The following DLG2 variants were observed in gnomAD, a reference collection of about 807,000 sequenced individuals.
DLG2 encodes disks large homolog 2.
DLG2 carries 45 observed loss-of-function variants against 132.5 expected under a neutral mutation model. That is an observed-to-expected ratio of 0.34 (90% CI 0.27 to 0.44). The LOEUF (loss-of-function observed/expected upper bound fraction) is 0.44. Ranked by LOEUF, DLG2 falls within the 20% of genes least tolerant of loss-of-function variation. The pLI, the probability that DLG2 is intolerant of heterozygous loss-of-function variation, is 1.00. For missense variants in DLG2, 1,045 were observed against 1,196.9 expected (o/e 0.87, Z 1.87); for synonymous variants, 424 against 419.6 (o/e 1.01, Z -0.13).
chr11:83,630,294 C>T (rs1019880112), intron 19 of DLG2, among the ~76,000 whole-genome samples: 1 of 152,092 alleles, frequency 6.6e-6, no homozygotes, highest in African/African-American at 2.4e-5. Flanking sequence ...TTCTCTCTGA[C>T]ACCACCAGGA....
rs145190392 is a variant in DLG2, at chr11:84,423,810, G to A, written c.519+110760C>T. Among the ~76,000 whole-genome samples the A allele has an allele frequency of 9.7e-3, 1,483 of 152,162 alleles. 21 individuals are homozygous for A. The highest frequency in any genetic ancestry group is 0.031 in the Middle Eastern group (9 of 292). ...CATAAATTATAAATAGGTGTGACAT[G>A]AAAACATACATAGGCAATACACATT... is the stretch of plus-strand genomic sequence containing the variant. On this transcript the variant is annotated intron_variant, in intron 7 of 27. Coordinates refer to ENST00000376104, the MANE Select transcript of DLG2 (RefSeq NM_001142699.3).
chr11:84,947,643 A>G (rs1182047538), intron 6 of DLG2, among the ~76,000 whole-genome samples: 1 of 152,130 alleles, frequency 6.6e-6, no homozygotes, highest in Non-Finnish European at 1.5e-5. Flanking sequence ...CTCCTTTGCT[A>G]TATAGAAATT....
At position 84,565,899 on chromosome 11, in the gene DLG2, C is replaced by T. The variant is rs531361222; in HGVS notation, c.358-31168G>A. On this transcript the variant is annotated intron_variant, in intron 6 of 27. Coordinates refer to ENST00000376104, the MANE Select transcript of DLG2 (RefSeq NM_001142699.3). ...TGACATATGCAATAAATATATCATT[C>T]GATAAAGTATTATTGACACCAACAT... Among the ~76,000 whole-genome samples, 22 of 151,140 alleles carry T rather than the reference C, an allele frequency of 1.5e-4. 1 individual carries two copies. The highest frequency in any genetic ancestry group is 3.6e-4 in the African/African-American group (15 of 41,106).
At chr11:83,549,551 A>G (rs7928920) in intron 19 of DLG2, among the ~76,000 whole-genome samples, 99,586 of 152,078 alleles carry the variant, frequency 0.65, 33,083 homozygotes, top group Middle Eastern at 0.75. Flanking sequence ...ACTGGAAGGG[A>G]GATGAAATAA....
chr11:83,590,218 A>G (rs1396359963), intron 19 of DLG2, among the ~76,000 whole-genome samples: 1 of 150,894 alleles, frequency 6.6e-6, no homozygotes, highest in Non-Finnish European at 1.5e-5. Context: ...CACCTATTCC[A>G]AAATTGACCA....
At chr11:84,129,797 C>T (rs564772582) in intron 9 of DLG2, among the ~76,000 whole-genome samples, 208 of 152,068 alleles carry the variant, frequency 1.4e-3, no homozygotes, top group African/African-American at 4.7e-3. Context: ...ACTTTCCCTG[C>T]ACTCCTCCTT....
chr11:83,956,588 G>T (rs2086908447), intron 14 of DLG2, among the ~76,000 whole-genome samples: 2 of 152,216 alleles, frequency 1.3e-5, no homozygotes, highest in Admixed American at 1.3e-4. Flanking sequence ...GAGCACGGTG[G>T]GCCAAGTAGA....
intron 12 of DLG2, among the ~76,000 whole-genome samples, chr11:83,970,488 C>G (rs1045669977): frequency 6.6e-6 from 1 of 152,210 alleles, no homozygotes; most frequent in Non-Finnish European, 1.5e-5. Context: ...GAAAAATTTA[C>G]TTAGATTTCA....
chr11:83,711,987 AAAAC>A (rs565408496), intron 18 of DLG2, among the ~76,000 whole-genome samples: 45 of 152,306 alleles, frequency 3.0e-4, no homozygotes, highest in East Asian at 7.7e-4. Flanking sequence ...CAAAAAGCAA[AAAAC>A]AAACAAACAA....
intron 6 of DLG2, among the ~76,000 whole-genome samples, chr11:84,767,686 T>G (rs1313937609): frequency 6.6e-6 from 1 of 151,928 alleles, no homozygotes; most frequent in Admixed American, 6.6e-5. Flanking sequence ...TTGTAGTGGA[T>G]AAAACACTCA....
intron 6 of DLG2, among the ~76,000 whole-genome samples, chr11:84,566,756 CAT>C (rs2099457714): frequency 6.6e-6 from 1 of 152,164 alleles, no homozygotes. Flanking sequence ...GGAAGGCCAT[CAT>C]ACAGCTACAG....
chr11:85,178,362 G>C (rs1364379675), intron 4 of DLG2, among the ~76,000 whole-genome samples: 1 of 151,900 alleles, frequency 6.6e-6, no homozygotes, highest in Admixed American at 6.6e-5. Context: ...TGGAGAATCT[G>C]AGTAAAAGTT....
At chr11:83,750,238 A>G (rs1411093350) in intron 18 of DLG2, among the ~76,000 whole-genome samples, 1 of 151,966 alleles carries the variant, frequency 6.6e-6, no homozygotes. Flanking sequence ...GGGTTTTTCT[A>G]GTGGTGTTCA....
intron 6 of DLG2, among the ~76,000 whole-genome samples, chr11:85,002,161 AT>A (rs552434612): frequency 6.6e-6 from 1 of 151,394 alleles, no homozygotes; most frequent in African/African-American, 2.4e-5. Flanking sequence ...CACAGGTGTG[AT>A]TTTTTTTTCT....
At chr11:84,669,689 T>A (rs753061937) in intron 6 of DLG2, among the ~76,000 whole-genome samples, 1 of 152,168 alleles carries the variant, frequency 6.6e-6, no homozygotes, top group Non-Finnish European at 1.5e-5. Context: ...CCTGTAGTCA[T>A]TTAGGGTCAC....
chr11:85,019,713 G>A (rs2059874245), intron 6 of DLG2, among the ~76,000 whole-genome samples: 1 of 152,116 alleles, frequency 6.6e-6, no homozygotes, highest in Non-Finnish European at 1.5e-5. Flanking sequence ...GTGAGAACAT[G>A]CGGTGTTTGG....
chr11:85,400,168 G>C (rs1029434381), intron 3 of DLG2, among the ~76,000 whole-genome samples: 8 of 152,094 alleles, frequency 5.3e-5, no homozygotes, highest in Non-Finnish European at 1.0e-4. Flanking sequence ...GCAGCCAAAA[G>C]ACACATGAAA....
intron 4 of DLG2, among the ~76,000 whole-genome samples, chr11:85,205,795 G>A (rs2081846673): frequency 6.6e-6 from 1 of 152,034 alleles, no homozygotes; most frequent in Admixed American, 6.6e-5. Context: ...AGTGTGATGT[G>A]GTTATCTATT....
At chr11:84,541,280 T>C (rs1591933401) in intron 6 of DLG2, among the ~76,000 whole-genome samples, 1 of 151,964 alleles carries the variant, frequency 6.6e-6, no homozygotes. Context: ...GCAGGATAGG[T>C]GCTCAAGACA....
Sources: gnomAD v4.1 joint callset for allele counts (sites outside exome capture counted in the v4.1 genomes callset) on GRCh38, gnomAD v4.1.1 for gene constraint, MANE v1.5 for transcripts, NCBI Gene and HGNC (gene_info 2026-07-23, HGNC 2026-07-21) for gene names.